The following LRBA variants were observed in gnomAD, a reference collection of about 807,000 sequenced individuals.
LRBA encodes LPS responsive beige-like anchor protein.
In LRBA, 176 loss-of-function variants were observed where a neutral mutation model predicts 330.0. That is an observed-to-expected ratio of 0.53 (90% CI 0.47 to 0.60). The LOEUF (loss-of-function observed/expected upper bound fraction) is 0.60, where lower values mean the gene tolerates loss of function less well. LRBA is among the 20% of genes least tolerant of loss of function. The pLI is 0.00. For missense variants in LRBA, 3,259 were observed against 3,444.8 expected (o/e 0.95, Z 1.35); for synonymous variants, 1,230 against 1,193.0 (o/e 1.03, Z -0.64).
chr4:150,739,553 T>A (rs1731664164), intron 35 of LRBA, among the ~76,000 whole-genome samples: 2 of 152,124 alleles, frequency 1.3e-5, no homozygotes, highest in Admixed American at 1.3e-4. Context: ...TCTTCCCCTT[T>A]AGAGTGTAAG....
At chr4:150,296,888 G>A (rs1188530697) in intron 53 of LRBA, among the ~76,000 whole-genome samples, 1 of 152,028 alleles carries the variant, frequency 6.6e-6, no homozygotes, top group Non-Finnish European at 1.5e-5. Context: ...TACCAATAAT[G>A]TTATGGACCA....
intron 14 of LRBA, among the ~76,000 whole-genome samples, chr4:150,898,042 T>C (rs2127123237): frequency 6.6e-6 from 1 of 152,156 alleles, no homozygotes; most frequent in South Asian, 2.1e-4. Context: ...TTGAAACTAC[T>C]ATGAAGAAGT....
chr4:150,265,034 A>G lies in LRBA; in HGVS notation c.*688T>C, dbSNP rs1745130651. 1 of 152,682 alleles carries G rather than the reference A, an allele frequency of 6.5e-6. No individual in the cohort carries two copies. Among genetic ancestry groups the G allele is most frequent in the South Asian group, 2.1e-4 (1 of 4,836 alleles). 9.5% of individuals were successfully genotyped at this position (152,682 alleles called of 1,614,324 possible). Reference sequence around the variant, plus strand: ...TTGTGAGCTCAAGAGCATTTCCATCATTTCGTTTTGTTGTGCTATGAAGAT... The same window carrying G: ...TTGTGAGCTCAAGAGCATTTCCATCGTTTCGTTTTGTTGTGCTATGAAGAT... On this transcript the variant is annotated 3_prime_UTR_variant, in exon 57 of 57. Transcript: ENST00000651943.
intron 2 of LRBA, among the ~76,000 whole-genome samples, chr4:150,998,348 C>T (rs561569288): frequency 1.6e-4 from 23 of 145,632 alleles, no homozygotes; most frequent in Non-Finnish European, 3.0e-4. Flanking sequence ...AACGAAACTC[C>T]GTCTCAAAAA....
intron 34 of LRBA, among the ~76,000 whole-genome samples, chr4:150,790,821 CGG>C (rs1436747985): frequency 6.6e-6 from 1 of 152,114 alleles, no homozygotes; most frequent in East Asian, 1.9e-4. Context: ...CCTACTTTCT[CGG>C]GCTTTGTATA....
intron 37 of LRBA, among the ~76,000 whole-genome samples, chr4:150,672,279 T>C (rs575866275): frequency 2.6e-5 from 4 of 152,140 alleles, no homozygotes; most frequent in Admixed American, 6.5e-5. Flanking sequence ...TAGACAGCTA[T>C]AGTTCAGAAC....
chr4:150,984,986 G>A (rs775112515), intron 2 of LRBA, among the ~76,000 whole-genome samples: 3 of 152,212 alleles, frequency 2.0e-5, no homozygotes, highest in Non-Finnish European at 2.9e-5. Flanking sequence ...TAAAAAGCAC[G>A]GTGGCTCATG....
At chr4:150,752,009 AGAAAG>A (rs1313353087) in intron 35 of LRBA, among the ~76,000 whole-genome samples, 2 of 152,150 alleles carry the variant, frequency 1.3e-5, no homozygotes, top group Non-Finnish European at 2.9e-5. Context: ...ACCACTGATG[AGAAAG>A]GAAAGTTACT....
intron 40 of LRBA, chr4:150,581,545 T>A (rs1009460507): frequency 1.7e-4 from 30 of 180,842 alleles, no homozygotes; most frequent in East Asian, 7.9e-4. Context: ...TAGAATCATT[T>A]AAAAAAAAAA....
chr4:150,455,093 T>G (rs1301738729), intron 44 of LRBA, among the ~76,000 whole-genome samples: 2 of 151,494 alleles, frequency 1.3e-5, no homozygotes, highest in African/African-American at 4.9e-5. Context: ...TCATCTAGCA[T>G]TAGGTATATC....
At chr4:150,778,286 G>A (rs1046219139) in intron 34 of LRBA, among the ~76,000 whole-genome samples, 17 of 152,006 alleles carry the variant, frequency 1.1e-4, no homozygotes, top group Non-Finnish European at 2.5e-4. Context: ...ATATGTACCT[G>A]TAGCTTGTAT....
chr4:150,799,932 A>G (rs1741355356), intron 33 of LRBA, among the ~76,000 whole-genome samples: 1 of 152,100 alleles, frequency 6.6e-6, no homozygotes, highest in Admixed American at 6.5e-5. Context: ...TTTAGTAGAG[A>G]CGGAGTTTCA....
At chr4:150,854,955 T>G (rs1172586864) in intron 22 of LRBA, among the ~76,000 whole-genome samples, 11 of 151,836 alleles carry the variant, frequency 7.2e-5, no homozygotes, top group Admixed American at 6.6e-4. Context: ...ACAATCTGAT[T>G]TCCCTTTTTA....
At chr4:150,654,590 C>T (rs187049532) in intron 37 of LRBA, among the ~76,000 whole-genome samples, 66 of 152,168 alleles carry the variant, frequency 4.3e-4, no homozygotes, top group South Asian at 2.7e-3. Context: ...ATGGGCACAA[C>T]GTGCAGGTTT....
intron 42 of LRBA, among the ~76,000 whole-genome samples, chr4:150,486,513 T>C (rs532301014): frequency 6.6e-6 from 1 of 152,020 alleles, no homozygotes; most frequent in South Asian, 2.1e-4. Flanking sequence ...TCTTCAGCAA[T>C]GAGGGAATTA....
At chr4:150,443,853 A>AAAATATATATATATAT (rs70941406) in intron 44 of LRBA, among the ~76,000 whole-genome samples, 4 of 75,462 alleles carry the variant, frequency 5.3e-5, no homozygotes, top group Non-Finnish European at 1.2e-4. Context: ...TAATTAAAAA[A>AAAATATATATATATAT]ATATATATAT....
At chr4:150,502,901 T>C (rs1760479616) in intron 40 of LRBA, among the ~76,000 whole-genome samples, 2 of 152,134 alleles carry the variant, frequency 1.3e-5, no homozygotes, top group African/African-American at 4.8e-5. Flanking sequence ...CACAAGGAGA[T>C]TATATCCCGC....
intron 2 of LRBA, among the ~76,000 whole-genome samples, chr4:150,967,963 T>C (rs1333694945): frequency 6.6e-6 from 1 of 151,638 alleles, no homozygotes; most frequent in Non-Finnish European, 1.5e-5. Context: ...AAACCTACAA[T>C]GGCCTCTAAG....
chr4:150,890,457 T>C (rs1243114500), intron 17 of LRBA, among the ~76,000 whole-genome samples: 1 of 151,894 alleles, frequency 6.6e-6, no homozygotes, highest in Non-Finnish European at 1.5e-5. Context: ...CAATGGCAGA[T>C]ATAGTATGAC....
Sources: gnomAD v4.1 joint callset for allele counts (sites outside exome capture counted in the v4.1 genomes callset) on GRCh38, gnomAD v4.1.1 for gene constraint, MANE v1.5 for transcripts, NCBI Gene and HGNC (gene_info 2026-07-23, HGNC 2026-07-21) for gene names.